The following SACM1L variants were observed in gnomAD, a reference collection of about 807,000 sequenced individuals.
SACM1L encodes phosphatidylinositol-3-phosphatase SAC1.
SACM1L carries 32 observed loss-of-function variants against 89.5 expected under a neutral mutation model. The ratio of observed to expected loss-of-function variants is 0.36; its 90% CI spans 0.27 to 0.48. The LOEUF (loss-of-function observed/expected upper bound fraction) is 0.48, where lower values mean the gene tolerates loss of function less well. Among genes scored for constraint, SACM1L ranks in the 20% least tolerant of loss-of-function variants. The pLI is 0.99. For synonymous variants in SACM1L, 213 were observed against 232.8 expected (o/e 0.92, Z 0.77); for missense variants, 543 against 708.5 (o/e 0.77, Z 2.65).
intron 1 of SACM1L, 127 bp downstream of exon 1, chr3:45,689,624 T>C (rs1697918501): frequency 8.5e-7 from 1 of 1,176,474 alleles, no homozygotes; most frequent in Non-Finnish European, 1.2e-6. Flanking sequence ...ATTTACCGGT[T>C]TTCCTCAGCC....
At chr3:45,698,392 C>T (rs1040505628) in intron 1 of SACM1L, among the ~76,000 whole-genome samples, 1 of 152,152 alleles carries the variant, frequency 6.6e-6, no homozygotes, top group Admixed American at 6.5e-5. Flanking sequence ...CCTAGAGATA[C>T]CACTTTCAGT....
intron 13 of SACM1L, among the ~76,000 whole-genome samples, chr3:45,734,412 CAAAAAA>C (rs571706177): frequency 7.7e-6 from 1 of 129,388 alleles, no homozygotes; most frequent in Non-Finnish European, 1.6e-5. Context: ...GATTCCATCT[CAAAAAA>C]AAAAGAAAAA....
At chr3:45,722,749 G>A (rs1344255793) in intron 9 of SACM1L, 120 bp from the exon 10 acceptor site, 4 of 628,868 alleles carry the variant, frequency 6.4e-6, no homozygotes, top group South Asian at 2.2e-5. Flanking sequence ...TAAAGTTGTC[G>A]GTAGATTGTA....
chr3:45,732,416 A>C (rs1188714660), intron 13 of SACM1L, among the ~76,000 whole-genome samples: 1 of 152,208 alleles, frequency 6.6e-6, no homozygotes, highest in Admixed American at 6.5e-5. Flanking sequence ...ATTTTTGTAT[A>C]ATTGAACTTG....
At chr3:45,707,669 C>T (rs767109886) in intron 4 of SACM1L, among the ~76,000 whole-genome samples, 1 of 152,100 alleles carries the variant, frequency 6.6e-6, no homozygotes, top group Non-Finnish European at 1.5e-5. Flanking sequence ...GTGGCTGTGA[C>T]GAAAGGGATG....
chr3:45,689,457 T>A lies in SACM1L; in HGVS notation c.-9T>A. The A allele has an allele frequency of 6.4e-7, 1 of 1,567,822 alleles. No individual in the cohort carries two copies. The highest frequency in any genetic ancestry group is 8.6e-7 in the Non-Finnish European group (1 of 1,157,550). On this transcript the variant is annotated 5_prime_UTR_variant, in exon 1 of 20. The change creates a new upstream start codon in the 5' untranslated region. Coordinates refer to ENST00000389061, the MANE Select transcript of SACM1L (RefSeq NM_014016.5). Reference sequence around the variant, plus strand: ...GGCGGAGAGAGAAGGAAGGAGGTGGTTGTGCAGGATGGCGACGGCGGCCTA... The same window carrying A: ...GGCGGAGAGAGAAGGAAGGAGGTGGATGTGCAGGATGGCGACGGCGGCCTA...
chr3:45,726,084 G>A (rs1698910955), intron 11 of SACM1L, among the ~76,000 whole-genome samples: 2 of 151,958 alleles, frequency 1.3e-5, no homozygotes, highest in African/African-American at 4.8e-5. Flanking sequence ...TAAATATGCT[G>A]CAGAATTTGG....
intron 1 of SACM1L, among the ~76,000 whole-genome samples, chr3:45,699,874 G>A (rs954113808): frequency 2.0e-5 from 3 of 151,968 alleles, no homozygotes; most frequent in Admixed American, 6.6e-5. Flanking sequence ...CTGTGTGTGC[G>A]TTTGACTTTT....
At chr3:45,725,713 G>T (rs1698903554) in intron 11 of SACM1L, among the ~76,000 whole-genome samples, 1 of 150,124 alleles carries the variant, frequency 6.7e-6, no homozygotes, top group African/African-American at 2.4e-5. Context: ...AATTGGTGTT[G>T]CTAGAACTAC....
intron 2 of SACM1L, 81 bp from the exon 3 acceptor site, chr3:45,705,054 A>C (rs1241981853): frequency 1.2e-6 from 1 of 845,734 alleles, no homozygotes; most frequent in African/African-American, 1.7e-5. Flanking sequence ...AGTCAAAGTA[A>C]CTATTGAAAT....
intron 2 of SACM1L, 54 bp downstream of exon 2, chr3:45,703,589 AC>A: frequency 8.4e-7 from 1 of 1,184,802 alleles, no homozygotes; most frequent in South Asian, 1.3e-5. Flanking sequence ...TACATAAATT[AC>A]AGTAATTAAA....
chr3:45,738,834 T>C lies in SACM1L; in HGVS notation c.1530T>C (p.His510=), dbSNP rs145722818. 7.5e-5 allele frequency: 121 copies of C among 1,611,722 alleles called. 1 individual carries two copies. The South Asian group carries it at 1.3e-3, about 17-fold the overall frequency. ...GNYSVDELES[H]SPLSVPRDWK... is the part of the protein sequence containing the mutation. ...ATTCAGTGGATGAATTAGAATCTCA[T>C]AGTCCTTTAAGTGTTCCAAGGGACT... Residue 510 remains histidine, a synonymous_variant, in exon 18 of 20, where the codon CAT becomes CAC. Transcript: ENST00000389061.
intron 7 of SACM1L, among the ~76,000 whole-genome samples, chr3:45,716,208 G>T (rs560132266): frequency 6.6e-6 from 1 of 152,118 alleles, no homozygotes; most frequent in African/African-American, 2.4e-5. Context: ...GCATAGTGGC[G>T]CATGTCTGTA....
At position 45,703,590 on chromosome 3, in the gene SACM1L, C is replaced by T. The variant is rs9311376; in HGVS notation, c.130+55C>T. 3.4e-3 allele frequency: 3,980 copies of T among 1,181,226 alleles called. 83 individuals are homozygous for T. The African/African-American group carries it at 0.046, about 14-fold the overall frequency. 73.2% of individuals were successfully genotyped at this position (1,181,226 alleles called of 1,614,324 possible). A position where few individuals can be genotyped will look rare whatever the true frequency, so the allele number is the denominator to read the frequency against. ...GGAGAAAGATTTTATACATAAATTA[C>T]AGTAATTAAAAAACATCACTCAGAG... On this transcript the variant is annotated intron_variant, in intron 2 of 19. Transcript: ENST00000389061.
At chr3:45,701,825 C>G (rs1374949458) in intron 1 of SACM1L, among the ~76,000 whole-genome samples, 1 of 152,162 alleles carries the variant, frequency 6.6e-6, no homozygotes, top group African/African-American at 2.4e-5. Flanking sequence ...TCCAGCTGTT[C>G]CACTTCTAGG....
In SACM1L at chr3:45,744,036, A is replaced by C. The variant is rs747797644; in HGVS notation, c.*367A>C. 9 of 161,202 alleles carry C rather than the reference A, an allele frequency of 5.6e-5. No homozygotes were observed. Among genetic ancestry groups the C allele is most frequent in the Non-Finnish European group, 8.1e-5 (6 of 74,016 alleles). The allele number at this position is 161,202 out of a possible 1,614,324, so 10.0% of individuals were successfully genotyped here. ...CTCCTTTCATTATTTAAAACAGCAAAATTATTTTTGTAGCTCAGTTTCATT... is the reference window on the plus strand; with the variant it reads ...CTCCTTTCATTATTTAAAACAGCAACATTATTTTTGTAGCTCAGTTTCATT... On this transcript the variant is annotated 3_prime_UTR_variant, in exon 20 of 20. Transcript: ENST00000389061.
chr3:45,726,102 G>T (rs1258918992), intron 11 of SACM1L, among the ~76,000 whole-genome samples: 2 of 152,084 alleles, frequency 1.3e-5, no homozygotes, highest in Non-Finnish European at 2.9e-5. Context: ...TGGTGTGCTA[G>T]TGTTTGGCTG....
chr3:45,722,728 A>C, intron 9 of SACM1L, 141 bp from the exon 10 acceptor site: 1 of 571,206 alleles, frequency 1.8e-6, no homozygotes, highest in Non-Finnish European at 3.1e-6. Context: ...GAGCAGATAC[A>C]CGTGGACTTT....
chr3:45,743,790 C>T lies in SACM1L; in HGVS notation c.*121C>T, dbSNP rs1699368855. The T allele has an allele frequency of 3.3e-5, 33 of 992,790 alleles. No homozygotes were observed. The highest frequency in any genetic ancestry group is 4.4e-5 in the Non-Finnish European group (30 of 684,922). 61.5% of individuals were successfully genotyped at this position (992,790 alleles called of 1,614,324 possible). A position where few individuals can be genotyped will look rare whatever the true frequency, so the allele number is the denominator to read the frequency against. ...TTAATGCCTTTATCCAAAAGCACAT[C>T]TTGTGCTCCATGCAGGATGATGACA... On this transcript the variant is annotated 3_prime_UTR_variant, in exon 20 of 20. Coordinates refer to ENST00000389061, the MANE Select transcript of SACM1L (RefSeq NM_014016.5).
Sources: allele counts gnomAD v4.1 joint callset (sites outside exome capture counted in the v4.1 genomes callset), GRCh38; gene constraint gnomAD v4.1.1; transcripts MANE v1.5; gene names NCBI Gene and HGNC (gene_info 2026-07-23, HGNC 2026-07-21).